The following NSUN6 variants were observed in gnomAD, a reference collection of about 807,000 sequenced individuals.
The protein encoded by NSUN6 is NOP2/Sun RNA methyltransferase 6.
NSUN6 carries 64 observed loss-of-function variants against 58.0 expected under a neutral mutation model. The observed-to-expected ratio is 1.10, with a 90% CI of 0.90 to 1.36. NSUN6 has a LOEUF of 1.36. NSUN6 is among the 40% of genes most tolerant of loss of function. The probability of loss-of-function intolerance (pLI) is 0.00; values close to 1 mark genes in which losing one functional copy is unlikely to be tolerated. For missense variants in NSUN6, 701 were observed against 550.1 expected (o/e 1.27, Z -2.74); for synonymous variants, 231 against 193.9 (o/e 1.19, Z -1.59).
chr10:18,640,277 G>A (rs1016083462), intron 3 of NSUN6, among the ~76,000 whole-genome samples: 9 of 152,154 alleles, frequency 5.9e-5, no homozygotes, highest in African/African-American at 2.2e-4. Flanking sequence ...CAAATTTGAT[G>A]CTCAGAGAAA....
chr10:18,626,363 G>C (rs953696636), intron 3 of NSUN6, among the ~76,000 whole-genome samples: 2 of 151,868 alleles, frequency 1.3e-5, no homozygotes, highest in African/African-American at 4.8e-5. Context: ...AACACGGCGA[G>C]ACCCCATCTC....
intron 3 of NSUN6, among the ~76,000 whole-genome samples, chr10:18,623,005 C>G (rs561735190): frequency 3.9e-5 from 6 of 152,288 alleles, no homozygotes; most frequent in African/African-American, 1.2e-4. Flanking sequence ...GCTCTTGTAT[C>G]AAGACAAGTC....
chr10:18,596,388 C>T (rs971824788), intron 6 of NSUN6, 61 bp from the exon 7 acceptor site: 2 of 1,195,644 alleles, frequency 1.7e-6, no homozygotes, highest in Admixed American at 1.8e-5. Context: ...ATTTGAGAAC[C>T]AGAGAATATA....
At chr10:18,645,173 A>G (rs954948254) in intron 2 of NSUN6, among the ~76,000 whole-genome samples, 4 of 151,860 alleles carry the variant, frequency 2.6e-5, no homozygotes, top group South Asian at 2.1e-4. Context: ...AAAAAAAAAA[A>G]AAAAAGAAAA....
chr10:18,657,243 G>T (rs2059787504), upstream of NSUN6, among the ~76,000 whole-genome samples: 1 of 151,976 alleles, frequency 6.6e-6, no homozygotes, highest in Non-Finnish European at 1.5e-5. Flanking sequence ...GATAATTGTG[G>T]CTATTTTTCT....
intron 9 of NSUN6, among the ~76,000 whole-genome samples, chr10:18,551,244 T>TTGTGTGTGTGTGTGTGTTTG (rs2054582036): frequency 3.9e-5 from 5 of 127,080 alleles, no homozygotes; most frequent in African/African-American, 1.5e-4. Flanking sequence ...GTCCTCTCAG[T>TTGTGTGTGTGTGTGTGTTTG]TGTGTGTGTG....
At chr10:18,559,911 G>A (rs28970736) in intron 8 of NSUN6, among the ~76,000 whole-genome samples, 29,456 of 150,108 alleles carry the variant, frequency 0.2, 3,116 homozygotes, top group South Asian at 0.31. Flanking sequence ...GAATGGAATG[G>A]AGAATGGATT....
At chr10:18,557,176 G>A (rs2055093144) in intron 8 of NSUN6, among the ~76,000 whole-genome samples, 1 of 151,322 alleles carries the variant, frequency 6.6e-6, no homozygotes, top group Non-Finnish European at 1.5e-5. Flanking sequence ...AGAATGGAAT[G>A]GAAAATGGTG....
At chr10:18,647,377 A>C (rs1477431026) in intron 2 of NSUN6, among the ~76,000 whole-genome samples, 1 of 152,210 alleles carries the variant, frequency 6.6e-6, no homozygotes. Context: ...GAATAACTAC[A>C]GTATACAATT....
In NSUN6 at chr10:18,641,922, G is replaced by A. The variant is rs956957610; in HGVS notation, c.311+554C>T. 2.0e-5 allele frequency among the ~76,000 whole-genome samples: 3 copies of A among 151,996 alleles called. No homozygotes were observed. In the South Asian group the frequency reaches 6.2e-4, roughly 32 times the overall value. ...TTTCTACAAAATAAAAAATAAATTA[G>A]CCAGGTGCAGTGGTGCGCAACTGTA... On this transcript the variant is annotated intron_variant, in intron 3 of 10. Transcript: ENST00000377304.
At chr10:18,568,713 GTCCAT>G (rs2056147166) in intron 8 of NSUN6, among the ~76,000 whole-genome samples, 1 of 145,172 alleles carries the variant, frequency 6.9e-6, no homozygotes, top group Admixed American at 6.9e-5. Flanking sequence ...CCACTCCACT[GTCCAT>G]TCCATTTCAT....
intron 6 of NSUN6, among the ~76,000 whole-genome samples, chr10:18,601,715 G>A (rs2057846720): frequency 6.6e-6 from 1 of 152,114 alleles, no homozygotes; most frequent in Non-Finnish European, 1.5e-5. Flanking sequence ...GGGTCTGGTG[G>A]CTCATGCCTG....
chr10:18,612,884 T>C (rs912485461), intron 5 of NSUN6, among the ~76,000 whole-genome samples: 4 of 152,228 alleles, frequency 2.6e-5, no homozygotes, highest in Non-Finnish European at 4.4e-5. Flanking sequence ...AATCTATGAA[T>C]GATTCAACCC....
At chr10:18,630,506 A>C (rs1485027343) in intron 3 of NSUN6, among the ~76,000 whole-genome samples, 1 of 152,228 alleles carries the variant, frequency 6.6e-6, no homozygotes, top group Non-Finnish European at 1.5e-5. Flanking sequence ...ATAGACCGCT[A>C]GCAAGACTAA....
At chr10:18,611,830 G>A (rs534632200) in intron 5 of NSUN6, among the ~76,000 whole-genome samples, 30 of 152,060 alleles carry the variant, frequency 2.0e-4, no homozygotes, top group Non-Finnish European at 3.8e-4. Flanking sequence ...CTTAGCTTCC[G>A]GAGTTCCTGG....
chr10:18,558,610 C>A (rs1353633095), intron 8 of NSUN6, among the ~76,000 whole-genome samples: 1 of 144,628 alleles, frequency 6.9e-6, no homozygotes, highest in Non-Finnish European at 1.5e-5. Context: ...GTAAGGATAA[C>A]AGAATGGCGT....
intron 7 of NSUN6, among the ~76,000 whole-genome samples, chr10:18,587,040 C>T (rs1466190893): frequency 6.6e-6 from 1 of 152,212 alleles, no homozygotes; most frequent in Non-Finnish European, 1.5e-5. Context: ...ACATTAAATA[C>T]TTATGGCTTT....
chr10:18,653,178 C>T (rs2131618869), upstream of NSUN6: 1 of 984,934 alleles, frequency 1.0e-6, no homozygotes, highest in Non-Finnish European at 1.2e-6. Flanking sequence ...ACATTTTAAA[C>T]TCCACAAGGA....
chr10:18,629,619 A>G (rs1422189018), intron 3 of NSUN6, among the ~76,000 whole-genome samples: 1 of 151,400 alleles, frequency 6.6e-6, no homozygotes, highest in Non-Finnish European at 1.5e-5. Context: ...CTCTGATAAA[A>G]CAGACTTTAA....
Sources: allele counts gnomAD v4.1 joint callset (sites outside exome capture counted in the v4.1 genomes callset), GRCh38; gene constraint gnomAD v4.1.1; transcripts MANE v1.5; gene names NCBI Gene and HGNC (gene_info 2026-07-23, HGNC 2026-07-21).